Variants in ZNF98 observed in about 807,000 individuals in gnomAD.
ZNF98 encodes zinc finger protein 98.
Under a neutral mutation model 12.8 loss-of-function variants are expected in ZNF98, and 8 were observed. The ratio of observed to expected loss-of-function variants is 0.63; its 90% CI spans 0.37 to 1.13. The LOEUF is 1.13. Among genes scored for constraint, ZNF98 ranks in the 50% most tolerant of loss-of-function variants. The pLI is 0.01. For missense variants in ZNF98, 379 were observed against 666.1 expected (o/e 0.57, Z 4.74); for synonymous variants, 112 against 223.5 (o/e 0.50, Z 4.45).
In ZNF98 at chr19:22,397,045, G is replaced by A. The variant is rs573697245; in HGVS notation, c.254-4064C>T. Among the ~76,000 whole-genome samples the A allele has an allele frequency of 1.9e-3, 284 of 151,236 alleles. 1 individual carries two copies. Among genetic ancestry groups the A allele is most frequent in the African/African-American group, 6.6e-3 (272 of 41,160 alleles). ...GAGGAAGGAGAATCACTTGAACCTA[G>A]GAGGCAGAGGTTGCAGTGAGCCGAG... On this transcript the variant is annotated intron_variant, in intron 3 of 3. Transcript: ENST00000357774.
At chr19:22,415,252 A>G (rs1345218320) in intron 1 of ZNF98, among the ~76,000 whole-genome samples, 3 of 152,228 alleles carry the variant, frequency 2.0e-5, no homozygotes, top group Non-Finnish European at 4.4e-5. Context: ...AGGAATGCTT[A>G]TACCAGTGGG....
intron 1 of ZNF98, among the ~76,000 whole-genome samples, chr19:22,412,468 G>A (rs1969590576): frequency 6.6e-6 from 1 of 152,078 alleles, no homozygotes; most frequent in Non-Finnish European, 1.5e-5. Flanking sequence ...ACATTGAAAA[G>A]TTAGACTTCA....
chr19:22,396,238 G>GC (rs1283700053), intron 3 of ZNF98, among the ~76,000 whole-genome samples: 1 of 152,026 alleles, frequency 6.6e-6, no homozygotes, highest in East Asian at 1.9e-4. Flanking sequence ...AACATAATTA[G>GC]CAACATCAAA....
intron 1 of ZNF98, among the ~76,000 whole-genome samples, chr19:22,421,683 C>T (rs1465141419): frequency 6.6e-6 from 1 of 152,194 alleles, no homozygotes; most frequent in Non-Finnish European, 1.5e-5. Flanking sequence ...CCTTCAAGAT[C>T]TTTTCATGGC....
intron 1 of ZNF98, among the ~76,000 whole-genome samples, chr19:22,416,961 G>A (rs1407662950): frequency 6.6e-6 from 1 of 152,038 alleles, no homozygotes; most frequent in South Asian, 2.1e-4. Flanking sequence ...TGGGCACAGT[G>A]GCTCACGCCT....
intron 1 of ZNF98, among the ~76,000 whole-genome samples, chr19:22,406,634 G>A (rs1436967759): frequency 3.3e-5 from 5 of 151,920 alleles, no homozygotes; most frequent in African/African-American, 7.3e-5. Context: ...TGGCTAACAC[G>A]GTGAAACCCT....
chr19:22,421,488 A>C (rs1969703013), intron 1 of ZNF98, among the ~76,000 whole-genome samples: 1 of 152,126 alleles, frequency 6.6e-6, no homozygotes, highest in African/African-American at 2.4e-5. Flanking sequence ...ATCTAACTCA[A>C]ATGCATTTTT....
intron 1 of ZNF98, among the ~76,000 whole-genome samples, chr19:22,420,714 A>G (rs930841959): frequency 6.7e-6 from 1 of 150,318 alleles, no homozygotes; most frequent in Non-Finnish European, 1.5e-5. Context: ...ATCTTGGTTT[A>G]TTCAGAGACA....
At chr19:22,404,614 CAGA>C (rs1228942076) in intron 1 of ZNF98, among the ~76,000 whole-genome samples, 1 of 152,322 alleles carries the variant, frequency 6.6e-6, no homozygotes, top group East Asian at 1.9e-4. Flanking sequence ...CTGATGCACA[CAGA>C]AGGACACGGC....
chr19:22,404,718 T>C (rs1285877341), intron 1 of ZNF98, among the ~76,000 whole-genome samples: 1 of 152,144 alleles, frequency 6.6e-6, no homozygotes, highest in Non-Finnish European at 1.5e-5. Flanking sequence ...TTCCAGATAC[T>C]GATATCTGCC....
intron 1 of ZNF98, among the ~76,000 whole-genome samples, chr19:22,410,223 C>A (rs948935454): frequency 6.6e-6 from 1 of 152,298 alleles, no homozygotes; most frequent in Non-Finnish European, 1.5e-5. Flanking sequence ...CCAGAAATAT[C>A]ATTTGACCCA....
At chr19:22,410,719 A>G (rs1969571959) in intron 1 of ZNF98, among the ~76,000 whole-genome samples, 2 of 152,304 alleles carry the variant, frequency 1.3e-5, no homozygotes, top group East Asian at 3.9e-4. Flanking sequence ...TCAAGCTTTA[A>G]TGAGCTTATA....
At chr19:22,412,790 C>A (rs573143100) in intron 1 of ZNF98, among the ~76,000 whole-genome samples, 1 of 152,272 alleles carries the variant, frequency 6.6e-6, no homozygotes, top group East Asian at 1.9e-4. Flanking sequence ...CAGTGGCTCA[C>A]ACCTGTAATC....
intron 2 of ZNF98, 96 bp from the exon 3 acceptor site, chr19:22,402,980 A>G: frequency 8.0e-7 from 1 of 1,242,582 alleles, no homozygotes; most frequent in Non-Finnish European, 1.1e-6. Flanking sequence ...ATATTCTAGT[A>G]AATTGATTCC....
chr19:22,404,773 A>T (rs909360170), intron 1 of ZNF98, among the ~76,000 whole-genome samples: 3 of 152,104 alleles, frequency 2.0e-5, no homozygotes, highest in Non-Finnish European at 2.9e-5. Flanking sequence ...TCTTTCTTTC[A>T]CACCCTAAAG....
At chr19:22,406,812 G>A (rs571134394) in intron 1 of ZNF98, among the ~76,000 whole-genome samples, 5 of 125,492 alleles carry the variant, frequency 4.0e-5, no homozygotes, top group East Asian at 4.6e-4. Context: ...GCAAGACTCC[G>A]TCTCAAAAAA....
intron 1 of ZNF98, among the ~76,000 whole-genome samples, chr19:22,421,840 T>C (rs899982616): frequency 2.0e-5 from 3 of 152,106 alleles, no homozygotes; most frequent in African/African-American, 7.2e-5. Flanking sequence ...AAAAGCTCTT[T>C]CCATTCATGA....
At chr19:22,415,138 C>T (rs1969625860) in intron 1 of ZNF98, among the ~76,000 whole-genome samples, 2 of 152,092 alleles carry the variant, frequency 1.3e-5, no homozygotes, top group Non-Finnish European at 2.9e-5. Context: ...ATGCTCATCA[C>T]TAATCATTAG....
intron 1 of ZNF98, among the ~76,000 whole-genome samples, chr19:22,407,590 C>T (rs12983035): frequency 0.48 from 71,801 of 150,994 alleles, 17,466 homozygotes; most frequent in African/African-American, 0.56. Context: ...CTCACGCCTG[C>T]AGTCTCAGCT....
Sources: gnomAD v4.1 joint callset for allele counts (sites outside exome capture counted in the v4.1 genomes callset) on GRCh38, gnomAD v4.1.1 for gene constraint, MANE v1.5 for transcripts, NCBI Gene and HGNC (gene_info 2026-07-23, HGNC 2026-07-21) for gene names.